CPSF3: variants seen among roughly 807,000 people sequenced by gnomAD.
CPSF3 encodes the protein cleavage and polyadenylation specificity factor subunit 3.
In CPSF3, 57 loss-of-function variants were observed where a neutral mutation model predicts 84.1. The observed-to-expected ratio is 0.68, with a 90% CI of 0.55 to 0.85. CPSF3 has a LOEUF of 0.85. Among genes scored for constraint, CPSF3 ranks in the 40% least tolerant of loss-of-function variants. The pLI, the probability that CPSF3 is intolerant of heterozygous loss-of-function variation, is 0.00. For synonymous variants in CPSF3, 275 were observed against 278.1 expected (o/e 0.99, Z 0.11); for missense variants, 522 against 838.8 (o/e 0.62, Z 4.66).
intron 1 of CPSF3, 106 bp downstream of exon 1, chr2:9,423,929 G>A: frequency 1.3e-6 from 2 of 1,515,330 alleles, no homozygotes; most frequent in East Asian, 2.5e-5. Context: ...TACCCCGGCA[G>A]CCTGCCTTTG....
chr2:9,451,842 G>A (rs894755935), intron 11 of CPSF3, among the ~76,000 whole-genome samples: 6 of 149,858 alleles, frequency 4.0e-5, no homozygotes, highest in African/African-American at 7.4e-5. Context: ...TCAGCCTCCC[G>A]AGTAGCTGGG....
rs188841634 is a variant in CPSF3, at chr2:9,423,747, C to G, written c.-27C>G. ...GAAGACCCCGGCGACCTGTTCCTCA[C>G]CCCCGCTTCGCCCTCACACTTTCGG... On this transcript the variant is annotated 5_prime_UTR_variant, in exon 1 of 18. Transcript: ENST00000238112. 6.2e-7 allele frequency: 1 copy of G among 1,612,360 alleles called. No homozygotes were observed. Among genetic ancestry groups the G allele is most frequent in the East Asian group, 2.2e-5 (1 of 44,760 alleles).
intron 11 of CPSF3, among the ~76,000 whole-genome samples, chr2:9,450,452 G>C (rs1278880704): frequency 6.6e-6 from 1 of 151,244 alleles, no homozygotes; most frequent in Non-Finnish European, 1.5e-5. Flanking sequence ...ACCGTGCCCA[G>C]TCTGAGGCTC....
At chr2:9,455,923 T>C (rs1681510166) in intron 13 of CPSF3, among the ~76,000 whole-genome samples, 166 bp downstream of exon 13, 1 of 152,032 alleles carries the variant, frequency 6.6e-6, no homozygotes, top group Admixed American at 6.6e-5. Flanking sequence ...AATTTTAGAA[T>C]ATACACTCAT....
At chr2:9,433,779 A>C in intron 5 of CPSF3, 92 bp from the exon 6 acceptor site, 2 of 811,520 alleles carry the variant, frequency 2.5e-6, no homozygotes, top group South Asian at 1.6e-5. Context: ...AAAAACTGTA[A>C]CTGCACTTTT....
At chr2:9,434,390 A>T (rs1160674155) in intron 6 of CPSF3, among the ~76,000 whole-genome samples, 1 of 151,714 alleles carries the variant, frequency 6.6e-6, no homozygotes, top group African/African-American at 2.4e-5. Flanking sequence ...AAATTGGGGC[A>T]GGTGCTTCTT....
In CPSF3 at chr2:9,440,612, C is replaced by T; in HGVS notation, c.882C>T (p.Arg294=). 6.2e-7 allele frequency: 1 copy of T among 1,614,134 alleles called. No homozygotes were observed. Among genetic ancestry groups the T allele is most frequent in the Non-Finnish European group, 8.5e-7 (1 of 1,180,022 alleles). ...TYVNAMNDKI[R]KQININNPFV... Reference sequence around the variant, plus strand: ...TAAATGCCATGAATGACAAAATCCGCAAACAGATCAACATCAATAATCCCT... The same window carrying T: ...TAAATGCCATGAATGACAAAATCCGTAAACAGATCAACATCAATAATCCCT... The change falls in exon 8 of 18, where the codon CGC becomes CGT. Residue 294 remains arginine (R), a synonymous_variant. Coordinates refer to ENST00000238112, the MANE Select transcript of CPSF3 (RefSeq NM_016207.4).
At chr2:9,465,699 GC>G (rs539973130) in intron 15 of CPSF3, among the ~76,000 whole-genome samples, 2 of 152,088 alleles carry the variant, frequency 1.3e-5, no homozygotes, top group Non-Finnish European at 2.9e-5. Flanking sequence ...AACTCTTAAG[GC>G]CCCCCATCCT....
intron 10 of CPSF3, among the ~76,000 whole-genome samples, chr2:9,446,250 G>A (rs1681120106): frequency 6.6e-6 from 1 of 152,170 alleles, no homozygotes; most frequent in Non-Finnish European, 1.5e-5. Context: ...TTCGAGACCA[G>A]CCTGGCCAAC....
At chr2:9,442,813 A>G (rs1265925612) in intron 9 of CPSF3, among the ~76,000 whole-genome samples, 1 of 151,408 alleles carries the variant, frequency 6.6e-6, no homozygotes, top group Non-Finnish European at 1.5e-5. Context: ...GATTGGCGCC[A>G]CTGCACTCCA....
At chr2:9,428,103 TCTC>T (rs1255857061) in intron 1 of CPSF3, among the ~76,000 whole-genome samples, 1 of 151,720 alleles carries the variant, frequency 6.6e-6, no homozygotes, top group African/African-American at 2.4e-5. Flanking sequence ...TTCACACCAT[TCTC>T]CTGCCTCAGC....
chr2:9,439,616 T>C (rs1680903801), intron 7 of CPSF3, among the ~76,000 whole-genome samples: 1 of 152,230 alleles, frequency 6.6e-6, no homozygotes, highest in South Asian at 2.1e-4. Flanking sequence ...ATGAGGGCTT[T>C]TCCCTTAACA....
chr2:9,467,508 A>G (rs1480095727), intron 15 of CPSF3, among the ~76,000 whole-genome samples, 199 bp from the exon 16 acceptor site: 1 of 152,222 alleles, frequency 6.6e-6, no homozygotes, highest in Non-Finnish European at 1.5e-5. Context: ...TTAAATACAC[A>G]TAAAAAGAAC....
chr2:9,436,175 T>C lies in CPSF3; in HGVS notation c.610-36T>C, dbSNP rs1680774539. ...TAACTTTTGAATTCTTGGAGGATCA[T>C]TGGTCTTAGTCTCACACTTCTAATG... On this transcript the variant is annotated intron_variant, in intron 6 of 17. Transcript: ENST00000238112. The C allele has an allele frequency of 2.0e-6, 3 of 1,495,894 alleles. No homozygotes were observed. In the African/African-American group the frequency reaches 4.2e-5, roughly 21 times the overall value. The allele number at this position is 1,495,894 out of a possible 1,614,324, so 92.7% of individuals were successfully genotyped here.
chr2:9,423,931 C>T, intron 1 of CPSF3, 108 bp downstream of exon 1: 1 of 1,513,644 alleles, frequency 6.6e-7, no homozygotes, highest in South Asian at 1.2e-5. Context: ...CCCCGGCAGC[C>T]TGCCTTTGGT....
At chr2:9,433,247 A>G (rs1310544377) in intron 5 of CPSF3, among the ~76,000 whole-genome samples, 1 of 152,200 alleles carries the variant, frequency 6.6e-6, no homozygotes, top group African/African-American at 2.4e-5. Flanking sequence ...AGCTGCTGAA[A>G]ATAACTGTTG....
chr2:9,467,937 C>T (rs1030476029), intron 16 of CPSF3, 161 bp downstream of exon 16: 1 of 590,380 alleles, frequency 1.7e-6, no homozygotes, highest in East Asian at 2.9e-5. Context: ...GGGCTGGAAC[C>T]GTTCCCTGCC....
chr2:9,441,981 G>T lies in CPSF3; in HGVS notation c.1095+5G>T, dbSNP rs1009373554. 6.2e-7 allele frequency: 1 copy of T among 1,613,954 alleles called. No homozygotes were observed. Among genetic ancestry groups the T allele is most frequent in the Non-Finnish European group, 8.5e-7 (1 of 1,179,948 alleles). On this transcript the variant is annotated splice_donor_5th_base_variant and intron_variant, in intron 9 of 17. Coordinates refer to ENST00000238112, the MANE Select transcript of CPSF3 (RefSeq NM_016207.4). Reference sequence around the variant, plus strand: ...GTAGAAGGGACACTTGCCAAGGTCAGTTACAGTCATAGGCTGTTGTGTTAT... The same window carrying T: ...GTAGAAGGGACACTTGCCAAGGTCATTTACAGTCATAGGCTGTTGTGTTAT...
intron 10 of CPSF3, among the ~76,000 whole-genome samples, chr2:9,447,934 G>A (rs1681181320): frequency 1.3e-5 from 2 of 152,202 alleles, no homozygotes; most frequent in African/African-American, 2.4e-5. Context: ...GAAAAGGCGT[G>A]TATCTCATTA....
Sources: allele counts gnomAD v4.1 joint callset (sites outside exome capture counted in the v4.1 genomes callset), GRCh38; gene constraint gnomAD v4.1.1; transcripts MANE v1.5; gene names NCBI Gene and HGNC (gene_info 2026-07-23, HGNC 2026-07-21).